The following GOLGA3 variants were observed in gnomAD, a reference collection of about 807,000 sequenced individuals.
The protein encoded by GOLGA3 is golgin subfamily A member 3.
A neutral mutation model predicts 169.4 loss-of-function variants in GOLGA3; 75 were observed. The ratio of observed to expected loss-of-function variants is 0.44; its 90% CI spans 0.37 to 0.54. The LOEUF is 0.54. Among genes scored for constraint, GOLGA3 ranks in the 20% least tolerant of loss-of-function variants. The pLI, the probability that GOLGA3 is intolerant of heterozygous loss-of-function variation, is 0.00. For missense variants in GOLGA3, 1,899 were observed against 1,930.0 expected (o/e 0.98, Z 0.30); for synonymous variants, 824 against 822.4 (o/e 1.00, Z -0.03).
At chr12:132,800,411 T>C (rs1013768166) in intron 8 of GOLGA3, among the ~76,000 whole-genome samples, 4 of 151,918 alleles carry the variant, frequency 2.6e-5, no homozygotes, top group Non-Finnish European at 5.9e-5. Context: ...GGAGAATCAC[T>C]TGAACCCAGG....
In GOLGA3 at chr12:132,822,649, G is replaced by A. The variant is rs527533823; in HGVS notation, c.-183-338C>T. On this transcript the variant is annotated intron_variant, in intron 1 of 23. Transcript: ENST00000450791. ...TTTAAAATTAATTTGGGCCAGGCGC[G>A]GTGGCTCACCCCTGTAATCCCAGCA... 1.6e-3 allele frequency among the ~76,000 whole-genome samples: 245 copies of A among 152,302 alleles called. 1 individual carries two copies. Among genetic ancestry groups the A allele is most frequent in the Middle Eastern group, 0.01 (3 of 294 alleles).
chr12:132,784,408 C>T (rs2045781594), intron 15 of GOLGA3, 101 bp from the exon 16 acceptor site: 1 of 953,370 alleles, frequency 1.0e-6, no homozygotes, highest in South Asian at 1.6e-5. Flanking sequence ...GCTGCACACA[C>T]CAGACACCAG....
At chr12:132,784,956 G>T (rs541433714) in intron 15 of GOLGA3, among the ~76,000 whole-genome samples, 2 of 152,122 alleles carry the variant, frequency 1.3e-5, no homozygotes, top group African/African-American at 4.8e-5. Flanking sequence ...CTCACACCCC[G>T]CCCACTTGCT....
intron 20 of GOLGA3, 87 bp from the exon 21 acceptor site, chr12:132,776,843 C>A: frequency 1.3e-6 from 2 of 1,559,814 alleles, no homozygotes; most frequent in Non-Finnish European, 1.7e-6. Context: ...TTTGGTTTAT[C>A]TTTTAATACC....
intron 8 of GOLGA3, among the ~76,000 whole-genome samples, chr12:132,800,966 A>T (rs1236594723): frequency 1.3e-5 from 2 of 152,200 alleles, no homozygotes; most frequent in East Asian, 3.8e-4. Context: ...CTCAAAAAAA[A>T]ACCAAAAACA....
rs753262059 is a variant in GOLGA3, at chr12:132,807,895, T to C, written c.1174A>G (p.Ser392Gly). 1 of 1,372,912 alleles carries C rather than the reference T, an allele frequency of 7.3e-7. No individual in the cohort carries two copies. The highest frequency in any genetic ancestry group is 9.8e-7 in the Non-Finnish European group (1 of 1,017,208). The allele number at this position is 1,372,912 out of a possible 1,614,324, so 85.0% of individuals were successfully genotyped here. The change falls in exon 5 of 24, where the codon AGC (serine) becomes GGC (glycine). Residue 392 changes from serine (S) to glycine (G), a missense_variant. By Grantham distance (56) the Ser-to-Gly change is moderately conservative (BLOSUM62 0). Coordinates refer to ENST00000450791, the MANE Select transcript of GOLGA3 (RefSeq NM_001389683.1). ...EVRSRRDSICSSVSLESSAAE... is the reference protein window; with the variant it reads ...EVRSRRDSICGSVSLESSAAE... ...CACCTCTGCTGTCCCCACCACCTGCTGCAGATGCTGTCTCTCCGACTCCGC... is the reference window on the plus strand; with the variant it reads ...CACCTCTGCTGTCCCCACCACCTGCCGCAGATGCTGTCTCTCCGACTCCGC...
chr12:132,792,042 G>A (rs575291813), intron 11 of GOLGA3, among the ~76,000 whole-genome samples: 39 of 151,696 alleles, frequency 2.6e-4, no homozygotes, highest in Admixed American at 1.8e-3. Context: ...CTACAGCAGG[G>A]GGACACATCT....
chr12:132,782,273 G>GT (rs1566078005), intron 17 of GOLGA3, 23 bp downstream of exon 17: 2 of 1,590,118 alleles, frequency 1.3e-6, no homozygotes, highest in South Asian at 2.2e-5. Context: ...CGTTGCTGGC[G>GT]TGAGTTTGAC....
chr12:132,791,057 A>C (rs1252768356), intron 12 of GOLGA3, among the ~76,000 whole-genome samples, 159 bp downstream of exon 12: 1 of 92,684 alleles, frequency 1.1e-5, no homozygotes, highest in Admixed American at 9.6e-5. Context: ...TCTCAAAAAA[A>C]AAAAAAAAAA....
At chr12:132,805,158 C>T in intron 6 of GOLGA3, 136 bp from the exon 7 acceptor site, 3 of 937,058 alleles carry the variant, frequency 3.2e-6, no homozygotes, top group Non-Finnish European at 4.7e-6. Context: ...CTCCCAAGGC[C>T]TGACAGAGGA....
intron 13 of GOLGA3, 77 bp from the exon 14 acceptor site, chr12:132,786,864 A>C: frequency 9.8e-7 from 1 of 1,015,248 alleles, no homozygotes; most frequent in Non-Finnish European, 1.5e-6. Context: ...CCAGCCCATC[A>C]CCCCCACCAA....
At chr12:132,807,506 G>T (rs550446783) in intron 5 of GOLGA3, among the ~76,000 whole-genome samples, 1 of 152,228 alleles carries the variant, frequency 6.6e-6, no homozygotes, top group South Asian at 2.1e-4. Flanking sequence ...ACAGAAACAT[G>T]AGACATGCAA....
At position 132,770,462 on chromosome 12, in the gene GOLGA3, C is replaced by T. The variant is rs915146984; in HGVS notation, c.*2643G>A. 6.6e-6 allele frequency: 1 copy of T among 151,966 alleles called. No homozygotes were observed. The highest frequency in any genetic ancestry group is 1.5e-5 in the Non-Finnish European group (1 of 68,024). 9.4% of individuals were successfully genotyped at this position (151,966 alleles called of 1,614,324 possible). A position where few individuals can be genotyped will look rare whatever the true frequency, so the allele number is the denominator to read the frequency against. On this transcript the variant is annotated 3_prime_UTR_variant, in exon 24 of 24. Coordinates refer to ENST00000450791, the MANE Select transcript of GOLGA3 (RefSeq NM_001389683.1). The stretch of plus-strand genomic sequence containing the variant: ...GGCATCGCACCCAAGGGCACACACG[C>T]AGGAAAACCGGGGTGAGAACATAGA...
chr12:132,778,388 G>A (rs981397723), intron 18 of GOLGA3, among the ~76,000 whole-genome samples: 5 of 152,072 alleles, frequency 3.3e-5, no homozygotes, highest in Admixed American at 6.5e-5. Context: ...TGGCTAACAC[G>A]GGGAAACCCC....
At chr12:132,796,279 C>T in intron 10 of GOLGA3, 59 bp from the exon 11 acceptor site, 1 of 1,514,300 alleles carries the variant, frequency 6.6e-7, no homozygotes, top group East Asian at 2.3e-5. Flanking sequence ...AGCGTATGCC[C>T]TTTTCCTGTT....
intron 11 of GOLGA3, among the ~76,000 whole-genome samples, chr12:132,795,156 C>T (rs1343472878): frequency 6.9e-6 from 1 of 145,724 alleles, no homozygotes; most frequent in Non-Finnish European, 1.5e-5. Flanking sequence ...CACTACACTC[C>T]AGCCTGGCGA....
rs140693729 is a variant in GOLGA3, at chr12:132,808,083, T to C, written c.986A>G (p.Tyr329Cys). ...SYSSASTRGT[Y>C]GILSKTVGTQ... ...GCCCACTGTCTTCGACAGAATGCCA[T>C]AGGTCCCTCGGGTGGAGGCGCTGCT... The change falls in exon 5 of 24, where the codon TAT (tyrosine) becomes TGT (cysteine). Residue 329 changes from tyrosine to cysteine, a missense_variant. Transcript: ENST00000450791. 36 of 1,597,316 alleles carry C rather than the reference T, an allele frequency of 2.3e-5. No homozygotes were observed. In the African/African-American group the frequency reaches 3.6e-4, roughly 16 times the overall value.
At chr12:132,822,692 A>G (rs543503494) in intron 1 of GOLGA3, among the ~76,000 whole-genome samples, 17 of 152,112 alleles carry the variant, frequency 1.1e-4, no homozygotes, top group Non-Finnish European at 2.2e-4. Flanking sequence ...AGGCCGAGGC[A>G]GGCAGATCAC....
intron 9 of GOLGA3, among the ~76,000 whole-genome samples, chr12:132,797,374 T>C (rs1357258260): frequency 6.6e-6 from 1 of 152,102 alleles, no homozygotes; most frequent in Non-Finnish European, 1.5e-5. Context: ...TTTTACACCA[T>C]TTCTTCTTCT....
Sources: allele counts gnomAD v4.1 joint callset (sites outside exome capture counted in the v4.1 genomes callset), GRCh38; gene constraint gnomAD v4.1.1; transcripts MANE v1.5; gene names NCBI Gene and HGNC (gene_info 2026-07-23, HGNC 2026-07-21).